ERN1: variants seen among roughly 807,000 people sequenced by gnomAD.
The protein encoded by ERN1 is endoplasmic reticulum to nucleus signaling 1.
Under a neutral mutation model 113.1 loss-of-function variants are expected in ERN1, and 39 were observed. The ratio of observed to expected loss-of-function variants is 0.34; its 90% confidence interval spans 0.27 to 0.45. ERN1 has a LOEUF of 0.45. Ranked by LOEUF, ERN1 falls within the 20% of genes least tolerant of loss-of-function variation. The pLI, the probability that ERN1 is intolerant of heterozygous loss-of-function variation, is 1.00. For synonymous variants in ERN1, 507 were observed against 515.9 expected, an observed-to-expected ratio of 0.98 and a Z score of 0.23; for missense variants, 976 against 1,274.8, an observed-to-expected ratio of 0.77 and a Z score of 3.57.
intron 1 of ERN1, among the ~76,000 whole-genome samples, chr17:64,109,827 A>G (rs1229919216): frequency 6.6e-6 from 1 of 152,146 alleles, no homozygotes; most frequent in Non-Finnish European, 1.5e-5. Flanking sequence ...ACTATGCCAC[A>G]CTATAATTTC....
chr17:64,066,846 C>T lies in ERN1; in HGVS notation c.667G>A (p.Ala223Thr), dbSNP rs1438635084. Residue 223 changes from alanine (A) to threonine (T), a missense_variant, in exon 8 of 22, where the codon GCC becomes ACC. Physicochemically the swap from Ala to Thr is moderately conservative, Grantham distance 58. Transcript: ENST00000433197. ...SGDVLWIQNYASPVVAFYVWQ... is the reference protein window; with the variant it reads ...SGDVLWIQNYTSPVVAFYVWQ... Reference sequence around the variant, plus strand: ...ACATAAAAGGCCACCACAGGGGAGGCGTAGTTTTGGATCCACAGGACGTCC... The same window carrying T: ...ACATAAAAGGCCACCACAGGGGAGGTGTAGTTTTGGATCCACAGGACGTCC... The T allele has an allele frequency of 1.1e-5, 17 of 1,613,758 alleles. No individual in the cohort carries two copies. The highest frequency in any genetic ancestry group is 1.3e-5 in the African/African-American group (1 of 74,896).
Position 64,044,092 on chromosome 17 carries a change from T to C in ERN1, c.2830A>G (p.Thr944Ala), listed in dbSNP as rs150831277. 517 of 1,612,870 alleles carry C rather than the reference T, an allele frequency of 3.2e-4. 3 individuals carry two copies. In the East Asian group the frequency reaches 0.011, roughly 35 times the overall value. The change falls in exon 22 of 22, where the codon ACC becomes GCC. Residue 944 changes from threonine (T) to alanine (A), a missense_variant. By Grantham distance (58) the Thr-to-Ala change is moderately conservative. This residue lies in a region of ERN1 where 92 missense variants were observed against 87.3 expected (regional missense o/e 1.05). Transcript: ENST00000433197. The surrounding 1 kb of genome is among the most constrained non-coding windows in gnomAD (Gnocchi z 4.1). ...CTGCACAGCTCCATGGCCCGGTAGGTGTGTGCGAGGAGGTGGGGGAAGCGA... is the reference window on the plus strand; with the variant it reads ...CTGCACAGCTCCATGGCCCGGTAGGCGTGTGCGAGGAGGTGGGGGAAGCGA... The part of the protein sequence containing the change: ...TSRFPHLLAH[T>A]YRAMELCSHE...
intron 5 of ERN1, 77 bp from the exon 6 acceptor site, chr17:64,072,180 C>T (rs748447552): frequency 3.2e-5 from 49 of 1,525,276 alleles, no homozygotes; most frequent in Non-Finnish European, 4.3e-5. Flanking sequence ...AGCCAAGATG[C>T]TCTGTATTGA....
rs58544303 is a variant in ERN1, at chr17:64,106,715, T to TACACACACACACACACACAC, written c.55-8494_55-8475dup. Among the ~76,000 whole-genome samples, 5 of 103,390 alleles carry TACACACACACACACACACAC rather than the reference T, an allele frequency of 4.8e-5. 1 individual carries two copies. Among genetic ancestry groups the TACACACACACACACACACAC allele is most frequent in the South Asian group, 8.0e-4 (2 of 2,500 alleles). 67.8% of individuals were successfully genotyped at this position (103,390 alleles called of 152,430 possible). The stretch of plus-strand genomic sequence containing the variant: ...AGGACACCAGTCCTACAGGGTTTCT[T>TACACACACACACACACACAC]ACACACACACACACACACACACACA... On this transcript the variant is annotated intron_variant, in intron 1 of 21. Transcript: ENST00000433197.
At chr17:64,070,957 G>C (rs986067278) in intron 6 of ERN1, among the ~76,000 whole-genome samples, 1 of 152,192 alleles carries the variant, frequency 6.6e-6, no homozygotes, top group East Asian at 1.9e-4. Flanking sequence ...CTGATGTAGA[G>C]AGACAGCAGC....
rs1356329906 is a variant in ERN1 at position 64,072,037 on chromosome 17, G to A, written c.422C>T (p.Ser141Leu). ...LTGEKQQTLS[S>L]AFADSLCPST... ...TGGGCAGAGACTATCTGCAAAGGCC[G>A]ATGACAAAGTCTGCTGCTTCTCTCC... is the stretch of plus-strand genomic sequence containing the variant. The change falls in exon 6 of 22, where the codon TCG (serine) becomes TTG (leucine). Residue 141 changes from serine (S) to leucine (L), a missense_variant. Around this residue, in one of 5 missense-constraint regions of ERN1, gnomAD observed 459 missense variants for 581.2 expected, o/e 0.79. Transcript: ENST00000433197. 17 of 1,606,188 alleles carry A rather than the reference G, an allele frequency of 1.1e-5. No individual in the cohort carries two copies. The highest frequency in any genetic ancestry group is 1.1e-5 in the South Asian group (1 of 89,346).
chr17:64,091,814 A>C (rs1914097592), intron 2 of ERN1, among the ~76,000 whole-genome samples: 1 of 152,136 alleles, frequency 6.6e-6, no homozygotes, highest in African/African-American at 2.4e-5. Context: ...ACATGCACTA[A>C]GGAGCTTAGA....
rs768855821 is a variant in ERN1 at position 64,103,345 on chromosome 17, A to C, written c.55-5104T>G. The stretch of plus-strand genomic sequence containing the variant: ...AACCCTGTCTCTACTAAAAACACAA[A>C]AATTAGCTGGATGTGGTGGCAGTCA... On this transcript the variant is annotated intron_variant, in intron 1 of 21. Coordinates refer to ENST00000433197, the MANE Select transcript of ERN1 (RefSeq NM_001433.5). Among the ~76,000 whole-genome samples, 72 of 151,992 alleles carry C rather than the reference A, an allele frequency of 4.7e-4. 1 individual carries two copies. The highest frequency in any genetic ancestry group is 1.1e-3 in the Admixed American group (17 of 15,250).
chr17:64,115,267 C>T (rs955250379), intron 1 of ERN1, among the ~76,000 whole-genome samples: 2 of 152,196 alleles, frequency 1.3e-5, no homozygotes, highest in Non-Finnish European at 2.9e-5. Context: ...CCTCATACTT[C>T]TTCCTGTTGG....
intron 6 of ERN1, among the ~76,000 whole-genome samples, chr17:64,070,368 C>T (rs1814203371): frequency 1.3e-5 from 2 of 152,302 alleles, no homozygotes; most frequent in African/African-American, 4.8e-5. Flanking sequence ...GATTTACACA[C>T]CTATGCACAC....
chr17:64,062,066 T>C (rs995673647), intron 10 of ERN1, among the ~76,000 whole-genome samples: 3 of 152,242 alleles, frequency 2.0e-5, no homozygotes, highest in African/African-American at 7.2e-5. Flanking sequence ...GACCACTAAA[T>C]ATTTTGTACA....
rs1312915977 is a variant in ERN1, at chr17:64,054,498, G to A, written c.1764-59C>T. The A allele has an allele frequency of 1.0e-5, 15 of 1,474,868 alleles. No individual in the cohort carries two copies. In the South Asian group the frequency reaches 1.9e-4, roughly 19 times the overall value. 91.4% of individuals were successfully genotyped at this position (1,474,868 alleles called of 1,614,324 possible). ...AGCACGAGTCAGGCTGTGTAAATGA[G>A]GTGAGAACCTGGGTCCACAGCATTC... is the stretch of plus-strand genomic sequence containing the variant. On this transcript the variant is annotated intron_variant, in intron 14 of 21. Coordinates refer to ENST00000433197, the MANE Select transcript of ERN1 (RefSeq NM_001433.5). This position sits in a 1 kb window ranked among gnomAD's most constrained non-coding sequence, Gnocchi z 4.9.
At chr17:64,060,347 C>G (rs1913013733) in intron 11 of ERN1, 122 bp downstream of exon 11, 2 of 682,960 alleles carry the variant, frequency 2.9e-6, no homozygotes, top group Admixed American at 4.8e-5. Flanking sequence ...GCTTTGGATT[C>G]TGGTGCATTC....
At chr17:64,092,612 T>C (rs913199908) in intron 2 of ERN1, among the ~76,000 whole-genome samples, 2 of 152,186 alleles carry the variant, frequency 1.3e-5, no homozygotes, top group Non-Finnish European at 2.9e-5. Flanking sequence ...TAGTAAAGAA[T>C]GGTTCTAATT....
chr17:64,048,954 C>T, intron 18 of ERN1, 101 bp downstream of exon 18: 4 of 1,238,748 alleles, frequency 3.2e-6, no homozygotes, highest in Non-Finnish European at 4.3e-6. Context: ...AGCTGGGGCA[C>T]CACGGCCTCT....
intron 19 of ERN1, among the ~76,000 whole-genome samples, chr17:64,046,538 A>G (rs1567859811): frequency 6.6e-6 from 1 of 152,246 alleles, no homozygotes; most frequent in East Asian, 1.9e-4. Context: ...CCATGGACAC[A>G]GTGACCAATC....
At chr17:64,098,454 G>C in intron 1 of ERN1, 1 of 738,710 alleles carries the variant, frequency 1.4e-6, no homozygotes, top group Non-Finnish European at 2.5e-6. Flanking sequence ...AGACAGGCAG[G>C]CTCATGACCT....
rs372292179 is a variant in ERN1 at position 64,115,135 on chromosome 17, G to A, written c.54+14841C>T. Among the ~76,000 whole-genome samples the A allele has an allele frequency of 1.6e-4, 24 of 152,216 alleles. No homozygotes were observed. In the East Asian group the frequency reaches 4.3e-3, roughly 27 times the overall value. ...TGCCAGGACTATTTTCATTACAAGA[G>A]GCAGAAATCTTGGGGATACTAAACT... On this transcript the variant is annotated intron_variant, in intron 1 of 21. Transcript: ENST00000433197.
intron 19 of ERN1, among the ~76,000 whole-genome samples, 200 bp downstream of exon 19, chr17:64,047,654 TAAAA>T (rs1260770979): frequency 1.3e-5 from 2 of 152,112 alleles, no homozygotes; most frequent in Non-Finnish European, 2.9e-5. Flanking sequence ...CATGTACAGT[TAAAA>T]AAAGGGATTC....
Sources: gnomAD v4.1 joint callset for allele counts (sites outside exome capture counted in the v4.1 genomes callset) on GRCh38, gnomAD v4.1.1 for gene constraint, gnomAD v4.1.1 regional missense constraint, Gnocchi (gnomAD v3.1) non-coding constraint, MANE v1.5 for transcripts, NCBI Gene and HGNC (gene_info 2026-07-23, HGNC 2026-07-21) for gene names.